The following NDUFAF2 variants were observed in gnomAD, a reference collection of about 807,000 sequenced individuals.
NDUFAF2 encodes NADH dehydrogenase [ubiquinone] 1 alpha subcomplex assembly factor 2.
NDUFAF2 carries 13 observed loss-of-function variants against 22.8 expected under a neutral mutation model. The ratio of observed to expected loss-of-function variants is 0.57; its 90% CI spans 0.37 to 0.91. The LOEUF (loss-of-function observed/expected upper bound fraction) is 0.91, where lower values mean the gene tolerates loss of function less well. NDUFAF2 is among the 40% of genes least tolerant of loss of function. The probability of loss-of-function intolerance (pLI) is 0.01; values close to 1 mark genes in which losing one functional copy is unlikely to be tolerated. For synonymous variants in NDUFAF2, 53 were observed against 64.2 expected (o/e 0.83, Z 0.84); for missense variants, 162 against 195.2 (o/e 0.83, Z 1.01).
chr5:60,982,949 G>C (rs1292074155), intron 1 of NDUFAF2, among the ~76,000 whole-genome samples: 3 of 151,784 alleles, frequency 2.0e-5, no homozygotes, highest in African/African-American at 7.3e-5. Context: ...GGTATTTCTA[G>C]TTCTAGATTC....
chr5:61,021,074 G>T (rs1355659130), intron 1 of NDUFAF2, among the ~76,000 whole-genome samples: 4 of 148,772 alleles, frequency 2.7e-5, no homozygotes, highest in Non-Finnish European at 5.9e-5. Flanking sequence ...TTTATTACTC[G>T]TTTCTCATTT....
In NDUFAF2 at chr5:60,974,373, C is replaced by T. The variant is rs2112574834; in HGVS notation, c.127+28991C>T. Among the ~76,000 whole-genome samples the T allele has an allele frequency of 3.3e-5, 5 of 152,306 alleles. No homozygotes were observed. In the South Asian group the frequency reaches 1.0e-3, roughly 32 times the overall value. On this transcript the variant is annotated intron_variant, in intron 1 of 3. Coordinates refer to ENST00000296597, the MANE Select transcript of NDUFAF2 (RefSeq NM_174889.5). ...GAAGGCTACACTGTCAGTTTTTCTG[C>T]TTTTAAAGTTTTGGGACTCGACTGG...
intron 3 of NDUFAF2, among the ~76,000 whole-genome samples, chr5:61,119,723 G>A (rs1227708847): frequency 6.6e-6 from 1 of 152,148 alleles, no homozygotes; most frequent in Non-Finnish European, 1.5e-5. Context: ...CTAACCATTT[G>A]TTCCTGCCTT....
At chr5:61,049,826 A>G (rs780165886) in intron 1 of NDUFAF2, among the ~76,000 whole-genome samples, 1 of 151,686 alleles carries the variant, frequency 6.6e-6, no homozygotes, top group Non-Finnish European at 1.5e-5. Flanking sequence ...ATATACATAT[A>G]TATAAATACA....
chr5:61,029,072 G>A (rs1177936647), intron 1 of NDUFAF2, among the ~76,000 whole-genome samples: 1 of 152,048 alleles, frequency 6.6e-6, no homozygotes, highest in African/African-American at 2.4e-5. Context: ...ACACATTTAA[G>A]TGTATATCTT....
At chr5:61,040,274 ACACACACACACACGCGCG>A (rs1308198283) in intron 1 of NDUFAF2, among the ~76,000 whole-genome samples, 1 of 120,402 alleles carries the variant, frequency 8.3e-6, no homozygotes, top group African/African-American at 3.9e-5. Flanking sequence ...ACACACACAC[ACACACACACACACGCGCG>A]CGCGCGCGCG....
chr5:61,011,577 T>C (rs1164529200), intron 1 of NDUFAF2, among the ~76,000 whole-genome samples: 2 of 152,106 alleles, frequency 1.3e-5, no homozygotes, highest in Non-Finnish European at 2.9e-5. Context: ...ACTGAACTAG[T>C]TCTGTGGCAT....
At position 60,982,907 on chromosome 5, in the gene NDUFAF2, A is replaced by G. The variant is rs192490569; in HGVS notation, c.127+37525A>G. On this transcript the variant is annotated intron_variant, in intron 1 of 3. Transcript: ENST00000296597. Reference sequence around the variant, plus strand: ...AAGCATGATTCGTAAACCTTTGGGTATATACCCAGTAATGGGATGGCTGGG... The same window carrying G: ...AAGCATGATTCGTAAACCTTTGGGTGTATACCCAGTAATGGGATGGCTGGG... Among the ~76,000 whole-genome samples, 184 of 152,104 alleles carry G rather than the reference A, an allele frequency of 1.2e-3. 3 individuals are homozygous for G. In the East Asian group the frequency reaches 0.03, roughly 24 times the overall value.
intron 1 of NDUFAF2, among the ~76,000 whole-genome samples, chr5:61,036,078 C>A (rs1016311691): frequency 6.6e-6 from 1 of 152,094 alleles, no homozygotes; most frequent in Non-Finnish European, 1.5e-5. Context: ...TCAGCATTGA[C>A]AAGAGAAGAA....
intron 3 of NDUFAF2, chr5:61,115,346 A>G (rs1362659958): frequency 6.6e-6 from 1 of 152,276 alleles, no homozygotes; most frequent in African/African-American, 2.4e-5. Flanking sequence ...GTCCAACATT[A>G]CTTTCCAAGA....
intron 1 of NDUFAF2, among the ~76,000 whole-genome samples, chr5:61,056,303 A>G (rs1184064622): frequency 1.3e-5 from 2 of 152,168 alleles, no homozygotes; most frequent in Non-Finnish European, 2.9e-5. Flanking sequence ...ATATCTTACT[A>G]TTAGTGACTG....
At chr5:61,083,968 C>A (rs535107589) in intron 2 of NDUFAF2, among the ~76,000 whole-genome samples, 1 of 151,684 alleles carries the variant, frequency 6.6e-6, no homozygotes, top group East Asian at 1.9e-4. Context: ...TTTTTTCTTG[C>A]CTTACTGCAC....
chr5:61,065,135 C>T (rs1344072963), intron 1 of NDUFAF2, among the ~76,000 whole-genome samples: 1 of 151,898 alleles, frequency 6.6e-6, no homozygotes, highest in Non-Finnish European at 1.5e-5. Flanking sequence ...AAAATACAAC[C>T]TACCAAGATT....
chr5:61,124,915 A>C (rs189743290), intron 3 of NDUFAF2, among the ~76,000 whole-genome samples: 6 of 152,216 alleles, frequency 3.9e-5, no homozygotes, highest in Non-Finnish European at 8.8e-5. Flanking sequence ...GAAACTTAAC[A>C]ATCATGACAG....
intron 1 of NDUFAF2, among the ~76,000 whole-genome samples, chr5:60,961,961 TAA>T (rs539647979): frequency 7.0e-6 from 1 of 142,552 alleles, no homozygotes; most frequent in Non-Finnish European, 1.5e-5. Context: ...ACTCTTTCTC[TAA>T]AAAAAAAAAA....
At chr5:61,076,386 TA>T (rs1284507070) in intron 2 of NDUFAF2, among the ~76,000 whole-genome samples, 2 of 152,176 alleles carry the variant, frequency 1.3e-5, no homozygotes, top group African/African-American at 4.8e-5. Context: ...TTTGCAGTTT[TA>T]AATAGTGTTC....
At chr5:61,095,474 G>A (rs1224982389) in intron 2 of NDUFAF2, among the ~76,000 whole-genome samples, 2 of 152,204 alleles carry the variant, frequency 1.3e-5, no homozygotes, top group Non-Finnish European at 2.9e-5. Context: ...TGTGGAAGTG[G>A]GGCCTGCGGA....
At chr5:61,004,678 T>C (rs1309427307) in intron 1 of NDUFAF2, among the ~76,000 whole-genome samples, 3 of 152,084 alleles carry the variant, frequency 2.0e-5, no homozygotes, top group Non-Finnish European at 4.4e-5. Context: ...TAACTGGCAC[T>C]TTTACAGGTA....
rs573825488 is a variant in NDUFAF2, at chr5:61,087,411, A to G, written c.218-11581A>G. ...AAGACAATACATAAAATCAGTAGTC[A>G]TCAAGGGATACTAATTAAAACAACA... On this transcript the variant is annotated intron_variant, in intron 2 of 3. Transcript: ENST00000296597. Among the ~76,000 whole-genome samples the G allele has an allele frequency of 3.3e-5, 5 of 152,288 alleles. No homozygotes were observed. In the South Asian group the frequency reaches 1.0e-3, roughly 32 times the overall value.
Sources: gnomAD v4.1 joint callset for allele counts (sites outside exome capture counted in the v4.1 genomes callset) on GRCh38, gnomAD v4.1.1 for gene constraint, MANE v1.5 for transcripts, NCBI Gene and HGNC (gene_info 2026-07-23, HGNC 2026-07-21) for gene names.